SEL1L3: variants seen among roughly 807,000 people sequenced by gnomAD.
The protein encoded by SEL1L3 is SEL1L family member 3.
SEL1L3 carries 76 observed loss-of-function variants against 142.8 expected under a neutral mutation model. The observed-to-expected ratio is 0.53, with a 90% CI of 0.44 to 0.64. The LOEUF (loss-of-function observed/expected upper bound fraction) is 0.64. SEL1L3 is among the 30% of genes least tolerant of loss of function. SEL1L3 has a pLI of 0.00. For missense variants in SEL1L3, 1,262 were observed against 1,381.7 expected (o/e 0.91, Z 1.37); for synonymous variants, 504 against 519.6 (o/e 0.97, Z 0.41).
At chr4:25,732,083 G>A in the SEL1L3 span, among the ~76,000 whole-genome samples, 1 of 151,906 alleles carries the variant, frequency 6.6e-6, no homozygotes, top group East Asian at 1.9e-4. Flanking sequence ...AAGGAAGGAA[G>A]GAAGGAAGGG....
intron 9 of SEL1L3, 59 bp downstream of exon 9, chr4:25,818,079 A>G: frequency 6.4e-7 from 1 of 1,556,574 alleles, no homozygotes; most frequent in East Asian, 2.3e-5. Context: ...TGAGTGAAAC[A>G]GAGAAAAACA....
chr4:25,757,214 G>A (rs1464594546), intron 23 of SEL1L3, among the ~76,000 whole-genome samples: 2 of 152,002 alleles, frequency 1.3e-5, no homozygotes, highest in Admixed American at 1.3e-4. Flanking sequence ...GTTGCAGTGA[G>A]CTGAGATCAC....
chr4:25,815,749 A>G lies in SEL1L3; in HGVS notation c.1564+2389T>C, dbSNP rs546209965. ...CGGAAACCTGGAATTATCTCTGCCC[A>G]GTAATAAGAGCAATAACATTGACAT... is the stretch of plus-strand genomic sequence containing the variant. On this transcript the variant is annotated intron_variant, in intron 9 of 23. Coordinates refer to ENST00000399878, the MANE Select transcript of SEL1L3 (RefSeq NM_015187.5). 9.9e-5 allele frequency among the ~76,000 whole-genome samples: 15 copies of G among 152,164 alleles called. No individual in the cohort carries two copies. In the South Asian group the frequency reaches 2.7e-3, roughly 27 times the overall value.
intron 2 of SEL1L3, among the ~76,000 whole-genome samples, chr4:25,837,279 G>A (rs78359726): frequency 4.6e-4 from 68 of 147,702 alleles, no homozygotes; most frequent in African/African-American, 1.6e-3. Context: ...AGATGGCCAC[G>A]TTAGACCCCT....
At chr4:25,742,367 G>A in the SEL1L3 span, among the ~76,000 whole-genome samples, 6 of 152,028 alleles carry the variant, frequency 3.9e-5, no homozygotes, top group Non-Finnish European at 8.8e-5. Context: ...TGTAGTTTTT[G>A]TAGAGATGGG....
At chr4:25,787,328 T>G (rs545704629) in intron 13 of SEL1L3, among the ~76,000 whole-genome samples, 1 of 152,000 alleles carries the variant, frequency 6.6e-6, no homozygotes, top group East Asian at 1.9e-4. Flanking sequence ...TATTACTAAT[T>G]TTTTTTTTCT....
intron 3 of SEL1L3, 35 bp downstream of exon 3, chr4:25,835,162 C>T (rs768658724): frequency 1.2e-5 from 20 of 1,611,168 alleles, no homozygotes; most frequent in African/African-American, 2.7e-5. Flanking sequence ...AAACAAGCAC[C>T]GCCCGATCAG....
chr4:25,746,020 A>G (rs1176087705), downstream of SEL1L3, among the ~76,000 whole-genome samples: 2 of 152,188 alleles, frequency 1.3e-5, no homozygotes, highest in Non-Finnish European at 2.9e-5. Flanking sequence ...TAGTTTGGAT[A>G]TTTGCTTTGC....
chr4:25,759,155 C>T, intron 20 of SEL1L3, 87 bp from the exon 21 acceptor site: 1 of 1,462,384 alleles, frequency 6.8e-7, no homozygotes, highest in Non-Finnish European at 9.2e-7. Context: ...ATGTTTACAA[C>T]CTCTAAAATT....
chr4:25,716,810 G>A, the SEL1L3 span, among the ~76,000 whole-genome samples: 2 of 152,012 alleles, frequency 1.3e-5, no homozygotes, highest in African/African-American at 4.8e-5. Flanking sequence ...AGTATGACAA[G>A]TACAATGGAA....
At chr4:25,773,842 C>T (rs535344399) in intron 17 of SEL1L3, among the ~76,000 whole-genome samples, 9 of 152,268 alleles carry the variant, frequency 5.9e-5, no homozygotes, top group African/African-American at 7.2e-5. Context: ...TTCCCTACAC[C>T]ATAAATGCTG....
the SEL1L3 span, among the ~76,000 whole-genome samples, chr4:25,725,772 G>A: frequency 1.3e-5 from 2 of 152,198 alleles, no homozygotes; most frequent in South Asian, 2.1e-4. Flanking sequence ...TCCATGTGGG[G>A]TAACTTCCGG....
chr4:25,833,004 G>A lies in SEL1L3; in HGVS notation c.1089C>T (p.Asn363=), dbSNP rs374295279. The change falls in exon 5 of 24, where the codon AAC becomes AAT. Residue 363 remains asparagine, a synonymous_variant. Coordinates refer to ENST00000399878, the MANE Select transcript of SEL1L3 (RefSeq NM_015187.5). ...KEWFRLDISF[N]GGQIVVTTSI... Reference sequence around the variant, plus strand: ...GCGTGCATACAGATACCTGGCCTCCGTTAAAAGAGATATCCAGTCGAAACC... The same window carrying A: ...GCGTGCATACAGATACCTGGCCTCCATTAAAAGAGATATCCAGTCGAAACC... 2.5e-6 allele frequency: 4 copies of A among 1,591,642 alleles called. No homozygotes were observed. Among genetic ancestry groups the A allele is most frequent in the South Asian group, 1.1e-5 (1 of 90,580 alleles).
intron 23 of SEL1L3, among the ~76,000 whole-genome samples, chr4:25,750,149 G>A (rs1234228465): frequency 6.7e-6 from 1 of 149,478 alleles, no homozygotes; most frequent in Non-Finnish European, 1.5e-5. Context: ...CCGGAGAATT[G>A]CTTGAACCTG....
chr4:25,767,508 C>T lies in SEL1L3; in HGVS notation c.2845+17G>A, dbSNP rs2290576. On this transcript the variant is annotated intron_variant, in intron 19 of 23. Transcript: ENST00000399878. ...AACACCTAATGCTTCAATTTTGCAC[C>T]GTTTTTCTATACATACCAAAGGAAG... The T allele has an allele frequency of 4.7e-5, 67 of 1,422,132 alleles. No homozygotes were observed. The highest frequency in any genetic ancestry group is 6.4e-5 in the Non-Finnish European group (65 of 1,016,290). 88.1% of individuals were successfully genotyped at this position (1,422,132 alleles called of 1,614,324 possible).
At chr4:25,862,633 C>T (rs1259972339) in intron 1 of SEL1L3, 42 bp downstream of exon 1, 1 of 1,145,634 alleles carries the variant, frequency 8.7e-7, no homozygotes, top group Non-Finnish European at 1.1e-6. Flanking sequence ...GTCCCCGGGG[C>T]CCCGCGCGGA....
intron 23 of SEL1L3, among the ~76,000 whole-genome samples, chr4:25,755,300 G>T (rs188357665): frequency 6.6e-6 from 1 of 151,280 alleles, no homozygotes; most frequent in Non-Finnish European, 1.5e-5. Flanking sequence ...ATGGGGTCTC[G>T]CTATGTTGCC....
chr4:25,758,204 C>T (rs1718126489), intron 21 of SEL1L3, among the ~76,000 whole-genome samples: 1 of 152,188 alleles, frequency 6.6e-6, no homozygotes, highest in Non-Finnish European at 1.5e-5. Flanking sequence ...GGCATGGTGG[C>T]TCACACCCGT....
intron 7 of SEL1L3, 28 bp from the exon 8 acceptor site, chr4:25,819,968 A>G (rs1286412992): frequency 1.3e-6 from 2 of 1,598,768 alleles, no homozygotes; most frequent in East Asian, 2.2e-5. Context: ...AGTCAAATGA[A>G]CAACAATTGT....
Sources: gnomAD v4.1 joint callset for allele counts (sites outside exome capture counted in the v4.1 genomes callset) on GRCh38, gnomAD v4.1.1 for gene constraint, MANE v1.5 for transcripts, NCBI Gene and HGNC (gene_info 2026-07-23, HGNC 2026-07-21) for gene names.